Variants in PTPRD observed in about 807,000 individuals in gnomAD.
The protein encoded by PTPRD is receptor-type tyrosine-protein phosphatase delta.
In PTPRD, 34 loss-of-function variants were observed where a neutral mutation model predicts 214.5. The ratio of observed to expected loss-of-function variants is 0.16; its 90% CI spans 0.12 to 0.21. The LOEUF is 0.21. Among genes scored for constraint, PTPRD ranks in the 10% least tolerant of loss-of-function variants. PTPRD has a pLI of 1.00. For synonymous variants in PTPRD, 1,128 were observed against 845.7 expected (o/e 1.33, Z -5.79); for missense variants, 2,545 against 2,398.7 (o/e 1.06, Z -1.27).
At chr9:9,191,430 A>G (rs1247282196) in intron 9 of PTPRD, among the ~76,000 whole-genome samples, 1 of 152,094 alleles carries the variant, frequency 6.6e-6, no homozygotes, top group African/African-American at 2.4e-5. Flanking sequence ...GTCTGGAGCA[A>G]GAGGCACCCC....
Position 8,733,789 on chromosome 9 carries a change from C to T in PTPRD, c.55G>A (p.Asp19Asn), listed in dbSNP as rs1249636201. The change falls in exon 12 of 46, where the codon GAT (aspartate) becomes AAT (asparagine). Residue 19 changes from aspartate (D) to asparagine (N), a missense_variant. Physicochemically the swap from Asp to Asn is conservative, Grantham distance 23. Transcript: ENST00000381196. ...GGGGAGAATGGCTTACTCTCAGCATCCGTGCGGAGGAAGAAAGTGAGGAGC... is the reference window on the plus strand; with the variant it reads ...GGGGAGAATGGCTTACTCTCAGCATTCGTGCGGAGGAAGAAAGTGAGGAGC... ...LLLLTFFLRT[D>N]AETPPRFTRT... 3 of 1,552,770 alleles carry T rather than the reference C, an allele frequency of 1.9e-6. No individual in the cohort carries two copies. The Admixed American group carries it at 5.9e-5, about 30-fold the overall frequency.
intron 11 of PTPRD, among the ~76,000 whole-genome samples, chr9:8,785,142 T>C (rs1343980713): frequency 6.6e-6 from 1 of 152,142 alleles, no homozygotes; most frequent in Non-Finnish European, 1.5e-5. Flanking sequence ...AAATCAGGAC[T>C]TGGTGTATAG....
At chr9:9,871,887 A>C (rs1228013847) in intron 5 of PTPRD, among the ~76,000 whole-genome samples, 2 of 152,172 alleles carry the variant, frequency 1.3e-5, no homozygotes, top group Non-Finnish European at 2.9e-5. Context: ...AAGTCTAACT[A>C]TTCTAAATAA....
chr9:8,364,288 C>T (rs963597093), intron 39 of PTPRD, among the ~76,000 whole-genome samples: 2 of 152,160 alleles, frequency 1.3e-5, no homozygotes, highest in Non-Finnish European at 2.9e-5. Flanking sequence ...CTTATATAAG[C>T]GTGTTACACA....
chr9:9,640,309 A>T (rs2095896498), intron 7 of PTPRD, among the ~76,000 whole-genome samples: 1 of 152,216 alleles, frequency 6.6e-6, no homozygotes, highest in African/African-American at 2.4e-5. Flanking sequence ...ACAGTTTTTG[A>T]AGCTGAGCCA....
intron 2 of PTPRD, among the ~76,000 whole-genome samples, chr9:10,480,890 T>C (rs1589133201): frequency 6.6e-6 from 1 of 152,178 alleles, no homozygotes; most frequent in Non-Finnish European, 1.5e-5. Context: ...AAGACACTAG[T>C]ATTCCTGATA....
chr9:8,622,519 T>C (rs977965852), intron 14 of PTPRD, among the ~76,000 whole-genome samples: 1 of 151,986 alleles, frequency 6.6e-6, no homozygotes, highest in African/African-American at 2.4e-5. Context: ...CCACAGTATA[T>C]ATGTATAACT....
intron 6 of PTPRD, among the ~76,000 whole-genome samples, chr9:9,741,959 G>A (rs2098407835): frequency 6.6e-6 from 1 of 152,028 alleles, no homozygotes; most frequent in South Asian, 2.1e-4. Context: ...ATAATCCTTT[G>A]GGTATATACC....
intron 2 of PTPRD, among the ~76,000 whole-genome samples, chr9:10,399,338 T>C (rs746617511): frequency 1.3e-4 from 20 of 151,972 alleles, no homozygotes; most frequent in Non-Finnish European, 1.9e-4. Context: ...TTTGAAAGCA[T>C]AGACGCTCTA....
At chr9:9,332,364 T>G (rs1026429581) in intron 9 of PTPRD, among the ~76,000 whole-genome samples, 1 of 151,984 alleles carries the variant, frequency 6.6e-6, no homozygotes, top group African/African-American at 2.4e-5. Flanking sequence ...CTCAGATAAC[T>G]AGATGATCTA....
chr9:10,389,430 C>G (rs1387114910), intron 2 of PTPRD, among the ~76,000 whole-genome samples: 1 of 151,822 alleles, frequency 6.6e-6, no homozygotes, highest in Non-Finnish European at 1.5e-5. Flanking sequence ...ACCACTCAAG[C>G]TAAACATTTA....
chr9:9,713,921 G>A (rs988805645), intron 7 of PTPRD, among the ~76,000 whole-genome samples: 2 of 151,910 alleles, frequency 1.3e-5, no homozygotes, highest in Non-Finnish European at 2.9e-5. Flanking sequence ...AGTGTGAGAT[G>A]CTCTCAAAAG....
At chr9:9,605,834 TG>T (rs1199994724) in intron 7 of PTPRD, among the ~76,000 whole-genome samples, 2 of 152,220 alleles carry the variant, frequency 1.3e-5, no homozygotes, top group East Asian at 3.9e-4. Flanking sequence ...AAGAATGATT[TG>T]CATTACACGA....
At chr9:9,664,291 C>G (rs556036102) in intron 7 of PTPRD, among the ~76,000 whole-genome samples, 15 of 151,494 alleles carry the variant, frequency 9.9e-5, no homozygotes, top group South Asian at 6.2e-4. Flanking sequence ...TAGTGAATAA[C>G]TTGATAAAAT....
intron 9 of PTPRD, among the ~76,000 whole-genome samples, chr9:9,283,876 C>T (rs567106850): frequency 2.4e-4 from 36 of 151,552 alleles, no homozygotes; most frequent in Middle Eastern, 3.4e-3. Context: ...AATATACTTA[C>T]GCAGAGGAAA....
chr9:10,033,436 A>G (rs2097121480), intron 4 of PTPRD, among the ~76,000 whole-genome samples: 1 of 151,898 alleles, frequency 6.6e-6, no homozygotes, highest in Non-Finnish European at 1.5e-5. Context: ...AAAATTAGCT[A>G]AAAGTAATAC....
rs113705466 is a variant in PTPRD, at chr9:10,193,820, C to G, written c.-545+147143G>C. ...TTAAACTACTTTAAATAATAAATAA[C>G]TTGGCACTCATATGGGCACTGACGA... On this transcript the variant is annotated intron_variant, in intron 3 of 45. Transcript: ENST00000381196. Among the ~76,000 whole-genome samples the G allele has an allele frequency of 2.4e-3, 371 of 152,156 alleles. 1 individual carries two copies. The highest frequency in any genetic ancestry group is 8.5e-3 in the African/African-American group (354 of 41,518).
intron 8 of PTPRD, among the ~76,000 whole-genome samples, chr9:9,429,659 A>T (rs1172256105): frequency 1.3e-5 from 2 of 152,212 alleles, no homozygotes; most frequent in Non-Finnish European, 2.9e-5. Context: ...TCAATAACAT[A>T]CTGGCAAACC....
In PTPRD at chr9:8,493,665, C is replaced by G. The variant is rs1591937272; in HGVS notation, c.2350-686G>C. Among the ~76,000 whole-genome samples, 3 of 152,148 alleles carry G rather than the reference C, an allele frequency of 2.0e-5. No homozygotes were observed. In the East Asian group the frequency reaches 5.8e-4, roughly 29 times the overall value. On this transcript the variant is annotated intron_variant, in intron 26 of 45. Coordinates refer to ENST00000381196, the MANE Select transcript of PTPRD (RefSeq NM_002839.4). Reference sequence around the variant, plus strand: ...CATTATCCACTGAGGAGAATTTTCACACACATTAAAAAGCAGCCATAAAAG... The same window carrying G: ...CATTATCCACTGAGGAGAATTTTCAGACACATTAAAAAGCAGCCATAAAAG...
Sources: gnomAD v4.1 joint callset for allele counts (sites outside exome capture counted in the v4.1 genomes callset) on GRCh38, gnomAD v4.1.1 for gene constraint, MANE v1.5 for transcripts, NCBI Gene and HGNC (gene_info 2026-07-23, HGNC 2026-07-21) for gene names.